AFG1L: variants seen among roughly 807,000 people sequenced by gnomAD.
AFG1L encodes the protein AFG1-like ATPase.
AFG1L carries 53 observed loss-of-function variants against 62.2 expected under a neutral mutation model. The observed-to-expected ratio is 0.85, with a 90% CI of 0.68 to 1.07. AFG1L has a LOEUF of 1.07. AFG1L is among the 50% of genes least tolerant of loss of function. The pLI, the probability that AFG1L is intolerant of heterozygous loss-of-function variation, is 0.00. For missense variants in AFG1L, 555 were observed against 590.5 expected (o/e 0.94, Z 0.62); for synonymous variants, 228 against 210.3 (o/e 1.08, Z -0.73).
At chr6:108,356,925 CATT>C in intron 5 of AFG1L, 105 bp downstream of exon 5, 1 of 987,618 alleles carries the variant, frequency 1.0e-6, no homozygotes, top group Non-Finnish European at 1.5e-6. Context: ...TGATTTGACA[CATT>C]ATCTCTTACT....
chr6:108,446,102 A>ACACACACACACC (rs1562166716), intron 7 of AFG1L, among the ~76,000 whole-genome samples: 2 of 126,352 alleles, frequency 1.6e-5, no homozygotes, highest in African/African-American at 5.7e-5. Flanking sequence ...ACACACACAC[A>ACACACACACACC]CCCCTACATA....
intron 5 of AFG1L, among the ~76,000 whole-genome samples, chr6:108,363,835 TA>T (rs1247237348): frequency 1.3e-5 from 2 of 152,140 alleles, no homozygotes; most frequent in African/African-American, 4.8e-5. Context: ...AAACTGCTAA[TA>T]AAAAATAGGT....
chr6:108,476,780 C>T, intron 8 of AFG1L, 85 bp from the exon 9 acceptor site: 1 of 916,190 alleles, frequency 1.1e-6, no homozygotes, highest in Non-Finnish European at 1.8e-6. Flanking sequence ...TTTTTATGGG[C>T]AAAAAGCTAA....
chr6:108,398,530 C>T (rs1184459756), intron 6 of AFG1L, among the ~76,000 whole-genome samples: 4 of 152,154 alleles, frequency 2.6e-5, no homozygotes, highest in Non-Finnish European at 4.4e-5. Flanking sequence ...AATTTTTGCT[C>T]AGACCAATGT....
At chr6:108,472,484 A>G (rs1772934688) in intron 8 of AFG1L, among the ~76,000 whole-genome samples, 1 of 152,344 alleles carries the variant, frequency 6.6e-6, no homozygotes, top group East Asian at 1.9e-4. Context: ...AACATCATGT[A>G]GTACACCTTA....
At chr6:108,388,085 G>T (rs529746632) in intron 6 of AFG1L, 1 of 152,196 alleles carries the variant, frequency 6.6e-6, no homozygotes, top group East Asian at 1.9e-4. Flanking sequence ...TGTTGGCTGA[G>T]CCTCAGTCAC....
At chr6:108,310,210 C>T (rs369576526) in intron 1 of AFG1L, among the ~76,000 whole-genome samples, 2 of 152,180 alleles carry the variant, frequency 1.3e-5, no homozygotes, top group Admixed American at 1.3e-4. Flanking sequence ...AGCAAACAAG[C>T]CTGCAACATT....
In AFG1L at chr6:108,366,359, A is replaced by T. The variant is rs200725958; in HGVS notation, c.748+27A>T. 3.5e-6 allele frequency: 5 copies of T among 1,414,812 alleles called. No homozygotes were observed. The African/African-American group carries it at 7.0e-5, about 20-fold the overall frequency. 87.6% of individuals were successfully genotyped at this position (1,414,812 alleles called of 1,614,324 possible). On this transcript the variant is annotated intron_variant, in intron 6 of 12. Coordinates refer to ENST00000368977, the MANE Select transcript of AFG1L (RefSeq NM_145315.5). Reference sequence around the variant, plus strand: ...TAAAAACAAACATTGTGCTAGTCTCATCCAATTAGGTGGAAACTAACAAGC... The same window carrying T: ...TAAAAACAAACATTGTGCTAGTCTCTTCCAATTAGGTGGAAACTAACAAGC...
intron 7 of AFG1L, among the ~76,000 whole-genome samples, chr6:108,426,596 TTC>T (rs1770826841): frequency 1.3e-5 from 2 of 152,188 alleles, no homozygotes; most frequent in Non-Finnish European, 2.9e-5. Context: ...TTAATTAAAA[TTC>T]TGTTTGTTAT....
chr6:108,300,663 C>T (rs756607621), intron 1 of AFG1L, among the ~76,000 whole-genome samples: 34 of 150,452 alleles, frequency 2.3e-4, no homozygotes, highest in African/African-American at 6.8e-4. Context: ...CTGGTTATAG[C>T]GTTTGAACTT....
intron 10 of AFG1L, among the ~76,000 whole-genome samples, chr6:108,490,110 C>G (rs1034789238): frequency 6.6e-6 from 1 of 152,160 alleles, no homozygotes. Context: ...CCTGTAATCC[C>G]AGCACTTTGG....
intron 3 of AFG1L, among the ~76,000 whole-genome samples, chr6:108,348,848 C>T (rs144396208): frequency 7.9e-5 from 12 of 152,198 alleles, no homozygotes; most frequent in Non-Finnish European, 1.5e-4. Flanking sequence ...TTACCTTAAC[C>T]ACCTGACCAT....
chr6:108,381,997 G>GTTTTT (rs768825605), intron 6 of AFG1L, among the ~76,000 whole-genome samples: 3 of 118,308 alleles, frequency 2.5e-5, no homozygotes, highest in Admixed American at 8.9e-5. Context: ...TTTATTCACT[G>GTTTTT]TTTTTTTTTT....
chr6:108,498,774 A>G (rs1774068453), intron 10 of AFG1L, among the ~76,000 whole-genome samples: 2 of 152,070 alleles, frequency 1.3e-5, no homozygotes, highest in Non-Finnish European at 2.9e-5. Flanking sequence ...CAGGAGTTCA[A>G]GACCAGCCTG....
chr6:108,425,512 G>T (rs1242459953), intron 7 of AFG1L, among the ~76,000 whole-genome samples: 2 of 152,052 alleles, frequency 1.3e-5, no homozygotes. Context: ...GGCGACTGAG[G>T]CTCATGCCTG....
chr6:108,444,104 A>C (rs561143760), intron 7 of AFG1L, among the ~76,000 whole-genome samples: 2 of 129,944 alleles, frequency 1.5e-5, no homozygotes, highest in Admixed American at 7.8e-5. Flanking sequence ...ATCTATCTAT[A>C]TCTGCACAGG....
In AFG1L at chr6:108,310,716, A is replaced by G. The variant is rs939416362; in HGVS notation, c.140-13109A>G. Among the ~76,000 whole-genome samples, 5 of 151,988 alleles carry G rather than the reference A, an allele frequency of 3.3e-5. No individual in the cohort carries two copies. In the East Asian group the frequency reaches 9.7e-4, roughly 30 times the overall value. On this transcript the variant is annotated intron_variant, in intron 1 of 12. Transcript: ENST00000368977. ...CAGCCTCCGGGGTAGCTGGGAGTAC[A>G]GGCGTGTGCCACCACACCCGGCTAA...
At position 108,467,456 on chromosome 6, in the gene AFG1L, T is replaced by C. The variant is rs558333988; in HGVS notation, c.891-9409T>C. Among the ~76,000 whole-genome samples the C allele has an allele frequency of 1.6e-4, 25 of 152,102 alleles. No individual in the cohort carries two copies. The South Asian group carries it at 5.2e-3, about 32-fold the overall frequency. On this transcript the variant is annotated intron_variant, in intron 8 of 12. Coordinates refer to ENST00000368977, the MANE Select transcript of AFG1L (RefSeq NM_145315.5). ...AGAGATGGAGTTTCGCCATATTAGC[T>C]AGGCTGGTCTCAAACTCCTGACCTC...
intron 2 of AFG1L, among the ~76,000 whole-genome samples, chr6:108,330,268 C>T (rs895990922): frequency 9.2e-5 from 14 of 151,612 alleles, no homozygotes; most frequent in South Asian, 2.1e-4. Context: ...CAGCCTCCCC[C>T]GGGTTCAAGC....
Sources: gnomAD v4.1 joint callset for allele counts (sites outside exome capture counted in the v4.1 genomes callset) on GRCh38, gnomAD v4.1.1 for gene constraint, MANE v1.5 for transcripts, NCBI Gene and HGNC (gene_info 2026-07-23, HGNC 2026-07-21) for gene names.